MYT1: variants seen among roughly 807,000 people sequenced by gnomAD.
MYT1 encodes the protein myelin transcription factor 1.
MYT1 carries 23 observed loss-of-function variants against 123.0 expected under a neutral mutation model. The observed-to-expected ratio is 0.19, with a 90% confidence interval of 0.13 to 0.26. The LOEUF (loss-of-function observed/expected upper bound fraction) is 0.26, where lower values mean the gene tolerates loss of function less well. Among genes scored for constraint, MYT1 ranks in the 10% least tolerant of loss-of-function variants. The probability of loss-of-function intolerance (pLI) is 1.00; values close to 1 mark genes in which losing one functional copy is unlikely to be tolerated. For missense variants in MYT1, 1,125 were observed against 1,472.5 expected, an observed-to-expected ratio of 0.76 and a Z score of 3.86; for synonymous variants, 518 against 575.3, an observed-to-expected ratio of 0.90 and a Z score of 1.43.
At chr20:64,198,105 G>A (rs1275109043) in intron 2 of MYT1, among the ~76,000 whole-genome samples, 1 of 151,858 alleles carries the variant, frequency 6.6e-6, no homozygotes, top group African/African-American at 2.4e-5. Flanking sequence ...CTAACACGGT[G>A]AAACCCCGTC....
rs556888245 is a variant in MYT1, at chr20:64,218,685, G to C, written c.1847-226G>C. On this transcript the variant is annotated intron_variant, in intron 11 of 22. Coordinates refer to ENST00000328439, the MANE Select transcript of MYT1 (RefSeq NM_004535.3). This position sits in a 1 kb window ranked among gnomAD's most constrained non-coding sequence, Gnocchi z 4.0. ...GTGTGTGAGGACTTGGGACTGGGAC[G>C]GGTGGCCAAGCCCCTGGCCCACTTC... 115 of 605,022 alleles carry C rather than the reference G, an allele frequency of 1.9e-4. No homozygotes were observed. In the East Asian group the frequency reaches 3.1e-3, roughly 16 times the overall value. 37.5% of individuals were successfully genotyped at this position (605,022 alleles called of 1,614,324 possible). A position where few individuals can be genotyped will look rare whatever the true frequency, so the allele number is the denominator to read the frequency against.
At chr20:64,176,863 A>C (rs764436625) in intron 1 of MYT1, among the ~76,000 whole-genome samples, 22 of 152,178 alleles carry the variant, frequency 1.4e-4, no homozygotes, top group Non-Finnish European at 1.5e-4. Context: ...GCCGGGGATG[A>C]CAGGCCGCCT....
Position 64,168,091 on chromosome 20 carries a change from T to G in MYT1, c.-99+3352T>G, listed in dbSNP as rs1248324359. 6.6e-6 allele frequency among the ~76,000 whole-genome samples: 1 copy of G among 152,206 alleles called. No homozygotes were observed. The highest frequency in any genetic ancestry group is 1.5e-5 in the Non-Finnish European group (1 of 68,036). ...GGTGGAATGTGCTTTCACGGCCTCTTGAGGTTCCCGGCATTTTTCTGTCTT... is the reference window on the plus strand; with the variant it reads ...GGTGGAATGTGCTTTCACGGCCTCTGGAGGTTCCCGGCATTTTTCTGTCTT... On this transcript the variant is annotated intron_variant, in intron 1 of 22. Transcript: ENST00000328439. This position sits in a 1 kb window ranked among gnomAD's most constrained non-coding sequence, Gnocchi z 6.1.
chr20:64,239,328 A>G (rs1984644497), intron 21 of MYT1, among the ~76,000 whole-genome samples: 1 of 152,178 alleles, frequency 6.6e-6, no homozygotes, highest in East Asian at 1.9e-4. Flanking sequence ...CATCTTACAG[A>G]TAGAAGCAGG....
chr20:64,223,493 C>T, intron 16 of MYT1, 134 bp downstream of exon 16: 2 of 996,470 alleles, frequency 2.0e-6, no homozygotes, highest in Non-Finnish European at 3.1e-6. Context: ...CTGAGATGGG[C>T]AGAGGGGCAG....
intron 19 of MYT1, among the ~76,000 whole-genome samples, chr20:64,234,484 G>C (rs1984436088): frequency 6.6e-6 from 1 of 152,234 alleles, no homozygotes; most frequent in Admixed American, 6.5e-5. Flanking sequence ...GCCCTGCCTA[G>C]ATGTAGCTTC....
rs376373322 is a variant in MYT1, at chr20:64,204,297, AC to A, written c.87-737del. On this transcript the variant is annotated intron_variant, in intron 4 of 22. Coordinates refer to ENST00000328439, the MANE Select transcript of MYT1 (RefSeq NM_004535.3). The stretch of plus-strand genomic sequence containing the variant: ...GACAGATGATGGTTAAGGAAGAGGA[AC>A]TCCTGGGTGTCCTGCCTTGTGCTTC... 1.7e-3 allele frequency among the ~76,000 whole-genome samples: 266 copies of A among 152,172 alleles called. 15 individuals carry two copies. The South Asian group carries it at 0.054, about 31-fold the overall frequency.
intron 2 of MYT1, among the ~76,000 whole-genome samples, chr20:64,198,485 C>T (rs538352305): frequency 2.0e-5 from 3 of 152,194 alleles, no homozygotes; most frequent in Non-Finnish European, 4.4e-5. Flanking sequence ...GGGTGCTGCT[C>T]TGTGTCGGGC....
intron 19 of MYT1, among the ~76,000 whole-genome samples, chr20:64,234,287 C>T (rs770496264): frequency 6.6e-5 from 10 of 151,598 alleles, no homozygotes; most frequent in Non-Finnish European, 1.3e-4. Flanking sequence ...CAGAGGCAGA[C>T]GCAGCTAGGA....
rs1983742137 is a variant in MYT1 at position 64,213,459 on chromosome 20, CCA to C, written c.1518-66_1518-65del. On this transcript the variant is annotated intron_variant, in intron 9 of 22. Transcript: ENST00000328439. This position sits in a 1 kb window ranked among gnomAD's most constrained non-coding sequence, Gnocchi z 5.6. ...TCTGAATGACCTTGCCGTGAGACAC[CCA>C]CACACACAGACACCCAGGACAGGAC... is the stretch of plus-strand genomic sequence containing the variant. 1.1e-5 allele frequency: 13 copies of C among 1,172,014 alleles called. No homozygotes were observed. The highest frequency in any genetic ancestry group is 1.6e-5 in the Non-Finnish European group (13 of 792,468). 72.6% of individuals were successfully genotyped at this position (1,172,014 alleles called of 1,614,324 possible). A position where few individuals can be genotyped will look rare whatever the true frequency, so the allele number is the denominator to read the frequency against.
chr20:64,180,739 G>A (rs184927668), intron 1 of MYT1, among the ~76,000 whole-genome samples: 127 of 152,364 alleles, frequency 8.3e-4, no homozygotes, highest in Non-Finnish European at 7.1e-4. Flanking sequence ...ACAGTGACCA[G>A]CTAGCTTCCT....
At chr20:64,177,817 G>A (rs931068209) in intron 1 of MYT1, among the ~76,000 whole-genome samples, 1 of 152,228 alleles carries the variant, frequency 6.6e-6, no homozygotes, top group African/African-American at 2.4e-5. Context: ...AGTTTCTAGG[G>A]CATGGGTTCC....
chr20:64,205,068 C>G lies in MYT1; in HGVS notation c.120C>G (p.His40Gln). The change falls in exon 5 of 23, where the codon CAC (histidine) becomes CAG (glutamine). Residue 40 changes from histidine to glutamine, a missense_variant. Around this residue, in one of 4 missense-constraint regions of MYT1, gnomAD observed 406 missense variants for 432.2 expected, o/e 0.94. Coordinates refer to ENST00000328439, the MANE Select transcript of MYT1 (RefSeq NM_004535.3). ...CCCCAGGATGCACAGGCTCAGGGCACGTCCGGGGCAAGTACTCCAGGCACC... is the reference window on the plus strand; with the variant it reads ...CCCCAGGATGCACAGGCTCAGGGCAGGTCCGGGGCAAGTACTCCAGGCACC... ...CPTPGCTGSG[H>Q]VRGKYSRHRS... The G allele has an allele frequency of 1.2e-6, 2 of 1,614,058 alleles. No homozygotes were observed. Among genetic ancestry groups the G allele is most frequent in the East Asian group, 4.5e-5 (2 of 44,876 alleles).
intron 18 of MYT1, among the ~76,000 whole-genome samples, chr20:64,228,655 A>G (rs2427621): frequency 0.17 from 25,273 of 152,098 alleles, 2,326 homozygotes; most frequent in Middle Eastern, 0.32. Flanking sequence ...TTGTGTCCTT[A>G]CAAGCTTATT....
At position 64,213,647 on chromosome 20, in the gene MYT1, GGTGA is replaced by G; in HGVS notation, c.1631+6_1631+9del. 6.2e-7 allele frequency: 1 copy of G among 1,613,140 alleles called. No homozygotes were observed. On this transcript the variant is annotated splice_donor_variant and splice_donor_region_variant and intron_variant, in intron 10 of 22. Transcript: ENST00000328439. LOFTEE classifies it high-confidence loss of function. The surrounding 1 kb of genome is among the most constrained non-coding windows in gnomAD (Gnocchi z 5.6). ...AGCTCCAATTCCGATCGGATCCTCA[GGTGA>G]GTGAGATGAGCCACAGAACTGAAGA...
At chr20:64,234,402 C>T (rs922818926) in intron 19 of MYT1, among the ~76,000 whole-genome samples, 1 of 152,206 alleles carries the variant, frequency 6.6e-6, no homozygotes, top group East Asian at 1.9e-4. Flanking sequence ...CCTGGCCCCC[C>T]GAGTATCAGG....
chr20:64,211,555 A>G (rs1026519133), intron 8 of MYT1, among the ~76,000 whole-genome samples: 1 of 152,168 alleles, frequency 6.6e-6, no homozygotes, highest in African/African-American at 2.4e-5. Flanking sequence ...CAACCAGCCC[A>G]TTTGTCTACC....
intron 1 of MYT1, among the ~76,000 whole-genome samples, chr20:64,179,631 A>G (rs556749218): frequency 1.3e-5 from 2 of 152,226 alleles, no homozygotes; most frequent in South Asian, 4.1e-4. Context: ...GAAGCCCAGT[A>G]CAGAGGCTCC....
Position 64,185,142 on chromosome 20 carries a change from A to G in MYT1, c.-98-4921A>G, listed in dbSNP as rs1285982483. Among the ~76,000 whole-genome samples, 1 of 152,222 alleles carries G rather than the reference A, an allele frequency of 6.6e-6. No homozygotes were observed. Among genetic ancestry groups the G allele is most frequent in the Admixed American group, 6.5e-5 (1 of 15,284 alleles). On this transcript the variant is annotated intron_variant, in intron 1 of 22. Coordinates refer to ENST00000328439, the MANE Select transcript of MYT1 (RefSeq NM_004535.3). This position sits in a 1 kb window ranked among gnomAD's most constrained non-coding sequence, Gnocchi z 4.5. The stretch of plus-strand genomic sequence containing the variant: ...GTCCAAAGAGACTGTGTTTTTAAAC[A>G]TGGATGCCTCAAGCCAGTTGAAGAG...
Sources: gnomAD v4.1 joint callset for allele counts (sites outside exome capture counted in the v4.1 genomes callset) on GRCh38, gnomAD v4.1.1 for gene constraint, gnomAD v4.1.1 regional missense constraint, Gnocchi (gnomAD v3.1) non-coding constraint, MANE v1.5 for transcripts, NCBI Gene and HGNC (gene_info 2026-07-23, HGNC 2026-07-21) for gene names.